The following PLCB4 variants were observed in gnomAD, a reference collection of about 807,000 sequenced individuals.
PLCB4 encodes phospholipase C beta 4.
A neutral mutation model predicts 178.8 loss-of-function variants in PLCB4; 77 were observed. The observed-to-expected ratio is 0.43, with a 90% CI of 0.36 to 0.52. PLCB4 has a LOEUF of 0.52. PLCB4 is among the 20% of genes least tolerant of loss of function. The pLI is 0.00. For missense variants in PLCB4, 1,024 were observed against 1,453.4 expected (o/e 0.70, Z 4.80); for synonymous variants, 496 against 490.8 (o/e 1.01, Z -0.14).
intron 4 of PLCB4, among the ~76,000 whole-genome samples, chr20:9,328,444 T>C (rs2031081369): frequency 6.6e-6 from 1 of 152,208 alleles, no homozygotes; most frequent in Non-Finnish European, 1.5e-5. Flanking sequence ...TGTTCAGTTA[T>C]CTATGTGGTA....
At chr20:9,247,166 C>T (rs980122122) in intron 3 of PLCB4, among the ~76,000 whole-genome samples, 1 of 151,996 alleles carries the variant, frequency 6.6e-6, no homozygotes, top group Non-Finnish European at 1.5e-5. Context: ...AGTTTGTTGC[C>T]AATGCCCATA....
At chr20:9,341,478 T>C (rs2033189142) in intron 7 of PLCB4, among the ~76,000 whole-genome samples, 1 of 152,038 alleles carries the variant, frequency 6.6e-6, no homozygotes, top group Non-Finnish European at 1.5e-5. Flanking sequence ...AAGAAAATCA[T>C]AAGGAAGAAA....
At chr20:9,461,564 C>A (rs1288346389) in intron 35 of PLCB4, among the ~76,000 whole-genome samples, 1 of 152,234 alleles carries the variant, frequency 6.6e-6, no homozygotes, top group Admixed American at 6.5e-5. Flanking sequence ...AAATACTGTG[C>A]TTTTCCCAAG....
At chr20:9,226,015 A>C (rs192730924) in intron 3 of PLCB4, among the ~76,000 whole-genome samples, 1 of 152,268 alleles carries the variant, frequency 6.6e-6, no homozygotes, top group Non-Finnish European at 1.5e-5. Flanking sequence ...GGCTGCAACC[A>C]CCTTGCAGAT....
chr20:9,351,996 A>T (rs539047665), intron 7 of PLCB4, among the ~76,000 whole-genome samples: 15 of 152,328 alleles, frequency 9.8e-5, no homozygotes, highest in African/African-American at 3.6e-4. Flanking sequence ...CACAAATTTG[A>T]CTGAGTTGAG....
intron 3 of PLCB4, among the ~76,000 whole-genome samples, chr20:9,242,690 T>C (rs2094078412): frequency 1.3e-5 from 2 of 152,186 alleles, no homozygotes; most frequent in African/African-American, 4.8e-5. Flanking sequence ...GCCTCTTTCT[T>C]GTGCTTTACC....
intron 22 of PLCB4, 115 bp downstream of exon 22, chr20:9,408,173 C>T: frequency 1.2e-6 from 1 of 839,846 alleles, no homozygotes; most frequent in Admixed American, 2.4e-5. Context: ...GGCTGTTCCA[C>T]CTCACCTTAT....
intron 3 of PLCB4, among the ~76,000 whole-genome samples, chr20:9,296,141 G>A (rs943212710): frequency 6.6e-6 from 1 of 151,966 alleles, no homozygotes; most frequent in Non-Finnish European, 1.5e-5. Context: ...AATCTACAAC[G>A]AACTCAAACA....
At chr20:9,355,955 C>A (rs537623789) in intron 7 of PLCB4, among the ~76,000 whole-genome samples, 170 of 152,278 alleles carry the variant, frequency 1.1e-3, no homozygotes, top group African/African-American at 3.6e-3. Flanking sequence ...CTCTCCAGCA[C>A]CTGTTGTTTC....
chr20:9,248,790 A>G (rs953146505), intron 3 of PLCB4, among the ~76,000 whole-genome samples: 3 of 152,210 alleles, frequency 2.0e-5, no homozygotes, highest in Admixed American at 1.3e-4. Flanking sequence ...CATCCCCTGC[A>G]TTAATTTCCT....
At chr20:9,195,697 T>C (rs745418554) in intron 2 of PLCB4, among the ~76,000 whole-genome samples, 18 of 152,188 alleles carry the variant, frequency 1.2e-4, no homozygotes, top group Non-Finnish European at 1.5e-5. Context: ...TGGACTCTTA[T>C]TGAATTACAC....
intron 3 of PLCB4, among the ~76,000 whole-genome samples, chr20:9,290,721 C>A (rs2094573022): frequency 6.6e-6 from 1 of 151,992 alleles, no homozygotes; most frequent in Non-Finnish European, 1.5e-5. Context: ...CTTGCTTGGC[C>A]CATCTGAATG....
chr20:9,207,229 A>G (rs1030240548), intron 2 of PLCB4, among the ~76,000 whole-genome samples: 1 of 152,212 alleles, frequency 6.6e-6, no homozygotes, highest in Non-Finnish European at 1.5e-5. Context: ...GACCTCAGCC[A>G]TGTAACCAAC....
At chr20:9,084,261 G>A (rs771596165) in intron 1 of PLCB4, among the ~76,000 whole-genome samples, 35 of 152,162 alleles carry the variant, frequency 2.3e-4, no homozygotes, top group Non-Finnish European at 4.3e-4. Context: ...TCTTTAAGGA[G>A]TCTTATAATT....
intron 3 of PLCB4, among the ~76,000 whole-genome samples, chr20:9,266,945 AGAACTAGCCTT>A (rs2094355385): frequency 6.6e-6 from 1 of 152,226 alleles, no homozygotes; most frequent in South Asian, 2.1e-4. Flanking sequence ...AAATTAACAG[AGAACTAGCCTT>A]GTGCAGCAGT....
At chr20:9,118,599 A>AT (rs1490948551) in intron 2 of PLCB4, among the ~76,000 whole-genome samples, 1 of 152,106 alleles carries the variant, frequency 6.6e-6, no homozygotes, top group Non-Finnish European at 1.5e-5. Context: ...AATGAGCCAC[A>AT]TTTCAAGTGC....
chr20:9,165,131 A>T (rs1161437273), intron 2 of PLCB4, among the ~76,000 whole-genome samples: 2 of 152,214 alleles, frequency 1.3e-5, no homozygotes, highest in Non-Finnish European at 2.9e-5. Context: ...GGATGGCCAC[A>T]GTACAGGCAC....
intron 4 of PLCB4, among the ~76,000 whole-genome samples, chr20:9,314,864 G>A (rs1473195957): frequency 1.3e-5 from 2 of 151,376 alleles, no homozygotes; most frequent in African/African-American, 4.9e-5. Flanking sequence ...ATTCCTCAGG[G>A]TAGAGGAATT....
rs1365184536 is a variant in PLCB4 at position 9,095,194 on chromosome 20, CTTATT to C, written c.-134-1091_-134-1087del. Among the ~76,000 whole-genome samples, 9 of 152,162 alleles carry C rather than the reference CTTATT, an allele frequency of 5.9e-5. No individual in the cohort carries two copies. In the South Asian group the frequency reaches 6.2e-4, roughly 11 times the overall value. On this transcript the variant is annotated intron_variant, in intron 1 of 39. Transcript: ENST00000378473. The stretch of plus-strand genomic sequence containing the variant: ...TTTCAGTAGGATGTTGTGAGAATTT[CTTATT>C]TAAAGTTTAAAAAGGATTTTTATTC...
Sources: gnomAD v4.1 joint callset for allele counts (sites outside exome capture counted in the v4.1 genomes callset) on GRCh38, gnomAD v4.1.1 for gene constraint, MANE v1.5 for transcripts, NCBI Gene and HGNC (gene_info 2026-07-23, HGNC 2026-07-21) for gene names.